AGAP1: variants seen among roughly 807,000 people sequenced by gnomAD.
AGAP1 encodes ArfGAP with GTPase domain, ankyrin repeat and PH domain 1.
A neutral mutation model predicts 105.3 loss-of-function variants in AGAP1; 29 were observed. The ratio of observed to expected loss-of-function variants is 0.28; its 90% CI spans 0.21 to 0.38. The LOEUF (loss-of-function observed/expected upper bound fraction) is 0.38. AGAP1 is among the 10% of genes least tolerant of loss of function. The pLI is 1.00. For missense variants in AGAP1, 998 were observed against 1,165.1 expected (o/e 0.86, Z 2.09); for synonymous variants, 509 against 485.9 (o/e 1.05, Z -0.63).
intron 1 of AGAP1, among the ~76,000 whole-genome samples, chr2:235,530,266 G>T (rs564592344): frequency 3.4e-4 from 51 of 152,232 alleles, no homozygotes; most frequent in Non-Finnish European, 4.4e-5. Context: ...AGATTTTGAT[G>T]TACAGTCGAC....
intron 11 of AGAP1, among the ~76,000 whole-genome samples, chr2:235,912,561 C>T (rs1257941352): frequency 6.6e-6 from 1 of 152,178 alleles, no homozygotes; most frequent in Non-Finnish European, 1.5e-5. Context: ...TATGCCTTCT[C>T]TTCCCGTAAC....
rs1421582152 is a variant in AGAP1 at position 236,113,552 on chromosome 2, A to T, written c.2115-6640A>T. ...TAAGTGCTCCGGTTACATGGAGATT[A>T]CACCTTGCCAGCTGAGTCATGCAGT... On this transcript the variant is annotated intron_variant, in intron 16 of 17. Transcript: ENST00000304032. This position sits in a 1 kb window ranked among gnomAD's most constrained non-coding sequence, Gnocchi z 4.3. Among the ~76,000 whole-genome samples the T allele has an allele frequency of 5.5e-4, 83 of 152,212 alleles. 1 individual carries two copies. Among genetic ancestry groups the T allele is most frequent in the Admixed American group, 5.4e-3 (83 of 15,278 alleles).
chr2:235,910,597 G>C (rs4663217), intron 11 of AGAP1, among the ~76,000 whole-genome samples: 1 of 152,182 alleles, frequency 6.6e-6, no homozygotes, highest in East Asian at 1.9e-4. Flanking sequence ...ACATTAGTAC[G>C]TTACATAAAC....
chr2:235,744,681 CCT>C lies in AGAP1; in HGVS notation c.397-16_397-15del, dbSNP rs1333204635. 1 of 1,613,860 alleles carries C rather than the reference CCT, an allele frequency of 6.2e-7. No individual in the cohort carries two copies. The highest frequency in any genetic ancestry group is 8.5e-7 in the Non-Finnish European group (1 of 1,179,960). ...GCTCACTCAGCTCCTGCTCTCCTCCCCTTCTTCTCTCCCTAGTTTGCCATGTG... is the reference window on the plus strand; with the variant it reads ...GCTCACTCAGCTCCTGCTCTCCTCCCTCTTCTCTCCCTAGTTTGCCATGTG... On this transcript the variant is annotated splice_polypyrimidine_tract_variant and intron_variant, in intron 4 of 17. Coordinates refer to ENST00000304032, the MANE Select transcript of AGAP1 (RefSeq NM_001037131.3). The surrounding 1 kb of genome is among the most constrained non-coding windows in gnomAD (Gnocchi z 5.2).
At chr2:236,064,368 A>G (rs1283154969) in intron 16 of AGAP1, among the ~76,000 whole-genome samples, 24 of 152,110 alleles carry the variant, frequency 1.6e-4, no homozygotes, top group Admixed American at 1.6e-3. Flanking sequence ...AGGTGGGTGG[A>G]TCACTTGAGG....
At chr2:235,694,020 A>AC (rs1336764045) in intron 1 of AGAP1, among the ~76,000 whole-genome samples, 1 of 152,172 alleles carries the variant, frequency 6.6e-6, no homozygotes, top group Non-Finnish European at 1.5e-5. Context: ...ATTTATCTTG[A>AC]AGTCTAGTGA....
At position 235,953,888 on chromosome 2, in the gene AGAP1, C is replaced by T. The variant is rs2053842273; in HGVS notation, c.1484-14574C>T. On this transcript the variant is annotated intron_variant, in intron 12 of 17. Coordinates refer to ENST00000304032, the MANE Select transcript of AGAP1 (RefSeq NM_001037131.3). This position sits in a 1 kb window ranked among gnomAD's most constrained non-coding sequence, Gnocchi z 5.2. ...GCAGTGAGCTTTGATCATGCCACTG[C>T]ACTCCAGCCTGGTGAGGGTGAGACA... Among the ~76,000 whole-genome samples the T allele has an allele frequency of 6.6e-6, 1 of 151,448 alleles. No homozygotes were observed. The highest frequency in any genetic ancestry group is 2.1e-4 in the South Asian group (1 of 4,756).
In AGAP1 at chr2:235,983,006, C is replaced by T. The variant is rs1337834517; in HGVS notation, c.1645+14383C>T. Among the ~76,000 whole-genome samples the T allele has an allele frequency of 6.6e-6, 1 of 152,154 alleles. No individual in the cohort carries two copies. Among genetic ancestry groups the T allele is most frequent in the Non-Finnish European group, 1.5e-5 (1 of 68,028 alleles). On this transcript the variant is annotated intron_variant, in intron 13 of 17. Coordinates refer to ENST00000304032, the MANE Select transcript of AGAP1 (RefSeq NM_001037131.3). This position sits in a 1 kb window ranked among gnomAD's most constrained non-coding sequence, Gnocchi z 4.5. ...CCCTAAAAAGCATTTGCAAACACTCCTCCACACTGTTCAGATGAGCGATGT... is the reference window on the plus strand; with the variant it reads ...CCCTAAAAAGCATTTGCAAACACTCTTCCACACTGTTCAGATGAGCGATGT...
Position 235,721,168 on chromosome 2 carries a change from C to T in AGAP1, c.310+3524C>T, listed in dbSNP as rs143526271. 6.6e-3 allele frequency among the ~76,000 whole-genome samples: 1,006 copies of T among 152,076 alleles called. 7 individuals are homozygous for T. The highest frequency in any genetic ancestry group is 0.023 in the African/African-American group (952 of 41,472). On this transcript the variant is annotated intron_variant, in intron 3 of 17. Coordinates refer to ENST00000304032, the MANE Select transcript of AGAP1 (RefSeq NM_001037131.3). The surrounding 1 kb of genome is among the most constrained non-coding windows in gnomAD (Gnocchi z 4.5). ...GATTACAGGCACCCCCCACCGCGCC[C>T]GGATAATTTTTGTATTTTTGGTAGA...
intron 8 of AGAP1, among the ~76,000 whole-genome samples, chr2:235,802,979 T>TGTGGTGATG (rs1957607732): frequency 8.0e-4 from 3 of 3,730 alleles, no homozygotes; most frequent in Non-Finnish European, 2.0e-3. Context: ...TGGTTGTGGT[T>TGTGGTGATG]GTGATGGTTG....
chr2:235,680,051 A>G (rs1272678879), intron 1 of AGAP1, among the ~76,000 whole-genome samples: 2 of 152,260 alleles, frequency 1.3e-5, no homozygotes, highest in African/African-American at 2.4e-5. Context: ...ATTGAAGATA[A>G]TGTTACAAAC....
Position 235,690,018 on chromosome 2 carries a change from A to G in AGAP1, c.164-19161A>G, listed in dbSNP as rs1949663575. Among the ~76,000 whole-genome samples the G allele has an allele frequency of 6.6e-6, 1 of 152,120 alleles. No homozygotes were observed. The highest frequency in any genetic ancestry group is 1.5e-5 in the Non-Finnish European group (1 of 68,036). On this transcript the variant is annotated intron_variant, in intron 1 of 17. Transcript: ENST00000304032. The surrounding 1 kb of genome is among the most constrained non-coding windows in gnomAD (Gnocchi z 4.1). ...GTTGCATGCGTTTGATGAAAGTGAT[A>G]TCACAGCAAATGCAAAGGTGACTGG...
Position 236,101,768 on chromosome 2 carries a change from G to A in AGAP1, c.2115-18424G>A, listed in dbSNP as rs1017821161. Among the ~76,000 whole-genome samples, 5 of 152,238 alleles carry A rather than the reference G, an allele frequency of 3.3e-5. No homozygotes were observed. The highest frequency in any genetic ancestry group is 2.1e-4 in the South Asian group (1 of 4,830). ...AGAGCCGCCGTGGGCTTCATGCCAC[G>A]TTACGCGGAGTCTAGGACGGCCTCA... is the stretch of plus-strand genomic sequence containing the variant. On this transcript the variant is annotated intron_variant, in intron 16 of 17. Transcript: ENST00000304032. The surrounding 1 kb of genome is among the most constrained non-coding windows in gnomAD (Gnocchi z 4.9).
intron 9 of AGAP1, among the ~76,000 whole-genome samples, chr2:235,878,139 G>A (rs1242620695): frequency 1.3e-5 from 2 of 152,160 alleles, no homozygotes; most frequent in African/African-American, 2.4e-5. Context: ...TGGGTGCTGC[G>A]GCTGCTGGAT....
intron 9 of AGAP1, among the ~76,000 whole-genome samples, chr2:235,873,837 C>T (rs2049566462): frequency 6.6e-6 from 1 of 152,158 alleles, no homozygotes; most frequent in Non-Finnish European, 1.5e-5. Flanking sequence ...AGGCAGTTCT[C>T]TCACCTCAGC....
Position 236,056,248 on chromosome 2 carries a change from C to T in AGAP1, c.2114+6967C>T, listed in dbSNP as rs181563270. Reference sequence around the variant, plus strand: ...GAATGGTGCTCTCGGTTTATCATGCCGCCTGCCACACAGGAACCCCAGTTA... The same window carrying T: ...GAATGGTGCTCTCGGTTTATCATGCTGCCTGCCACACAGGAACCCCAGTTA... On this transcript the variant is annotated intron_variant, in intron 16 of 17. Transcript: ENST00000304032. This position sits in a 1 kb window ranked among gnomAD's most constrained non-coding sequence, Gnocchi z 4.6. Among the ~76,000 whole-genome samples, 11 of 152,278 alleles carry T rather than the reference C, an allele frequency of 7.2e-5. 1 individual carries two copies. The highest frequency in any genetic ancestry group is 2.1e-4 in the South Asian group (1 of 4,818).
In AGAP1 at chr2:235,845,837, G is replaced by A. The variant is rs1961420035; in HGVS notation, c.1051-37508G>A. 6.6e-6 allele frequency among the ~76,000 whole-genome samples: 1 copy of A among 151,658 alleles called. No homozygotes were observed. The highest frequency in any genetic ancestry group is 1.5e-5 in the Non-Finnish European group (1 of 67,930). On this transcript the variant is annotated intron_variant, in intron 9 of 17. Coordinates refer to ENST00000304032, the MANE Select transcript of AGAP1 (RefSeq NM_001037131.3). This position sits in a 1 kb window ranked among gnomAD's most constrained non-coding sequence, Gnocchi z 4.8. ...GAAGGAGTCATGCATGTGGTTTGGG[G>A]CCTGGATGTGTGTTTGGGCCTCCTC...
rs1426271966 is a variant in AGAP1, at chr2:235,750,644, C to T, written c.673+156C>T. Among the ~76,000 whole-genome samples the T allele has an allele frequency of 6.6e-6, 1 of 152,132 alleles. No homozygotes were observed. The highest frequency in any genetic ancestry group is 1.9e-4 in the East Asian group (1 of 5,192). ...AGAGCAGTCCATTCCAGAGGCAATT[C>T]TCAGGTATGTTTCATATAAACAGTG... On this transcript the variant is annotated intron_variant, in intron 6 of 17. Coordinates refer to ENST00000304032, the MANE Select transcript of AGAP1 (RefSeq NM_001037131.3). The surrounding 1 kb of genome is among the most constrained non-coding windows in gnomAD (Gnocchi z 5.3).
chr2:235,580,356 C>T (rs560255046), intron 1 of AGAP1, among the ~76,000 whole-genome samples: 45 of 151,706 alleles, frequency 3.0e-4, no homozygotes, highest in African/African-American at 5.3e-4. Context: ...AGAATGAAGA[C>T]GTGCCGGCCG....
Sources: gnomAD v4.1 joint callset for allele counts (sites outside exome capture counted in the v4.1 genomes callset) on GRCh38, gnomAD v4.1.1 for gene constraint, Gnocchi (gnomAD v3.1) non-coding constraint, MANE v1.5 for transcripts, NCBI Gene and HGNC (gene_info 2026-07-23, HGNC 2026-07-21) for gene names.